Variants in DENND3 observed in about 807,000 individuals in gnomAD.
DENND3 encodes the protein DENN domain containing 3.
DENND3 carries 88 observed loss-of-function variants against 135.1 expected under a neutral mutation model. The observed-to-expected ratio is 0.65, with a 90% CI of 0.55 to 0.78. DENND3 has a LOEUF of 0.78. DENND3 is among the 30% of genes least tolerant of loss of function. The pLI is 0.00. For missense variants in DENND3, 1,392 were observed against 1,688.4 expected (o/e 0.82, Z 3.08); for synonymous variants, 693 against 712.3 (o/e 0.97, Z 0.43).
At chr8:141,169,114 C>T (rs915725370) in intron 13 of DENND3, among the ~76,000 whole-genome samples, 1 of 152,230 alleles carries the variant, frequency 6.6e-6, no homozygotes, top group African/African-American at 2.4e-5. Flanking sequence ...CTGTCTTGGC[C>T]CCCCAAAGTG....
At chr8:141,143,549 C>T (rs892485026) in intron 4 of DENND3, among the ~76,000 whole-genome samples, 20 of 152,152 alleles carry the variant, frequency 1.3e-4, no homozygotes, top group Non-Finnish European at 1.2e-4. Context: ...GGACTACAGG[C>T]GCACACCACC....
chr8:141,151,088 A>G, intron 6 of DENND3, 135 bp downstream of exon 6: 1 of 1,290,108 alleles, frequency 7.8e-7, no homozygotes, highest in Non-Finnish European at 1.0e-6. Context: ...GTTTATTATT[A>G]TTTTTTAAAG....
rs375291304 is a variant in DENND3 at position 141,151,603 on chromosome 8, C to G, written c.856-16C>G. 2.5e-6 allele frequency: 4 copies of G among 1,609,958 alleles called. No individual in the cohort carries two copies. In the Admixed American group the frequency reaches 6.7e-5, roughly 27 times the overall value. ...TTTTAAAAGCATGTACTCAGTGCGG[C>G]GGGTTCTCCCCTCAGATCCTGACAT... On this transcript the variant is annotated splice_polypyrimidine_tract_variant and intron_variant, in intron 6 of 22. Transcript: ENST00000519811.
chr8:141,144,124 T>G lies in DENND3; in HGVS notation c.624-24T>G. 3.8e-6 allele frequency: 6 copies of G among 1,589,536 alleles called. No individual in the cohort carries two copies. The highest frequency in any genetic ancestry group is 1.4e-5 in the African/African-American group (1 of 73,276). The stretch of plus-strand genomic sequence containing the variant: ...GCGTTCTCATCTTTATTTTGCGGTT[T>G]GAGTTTTGTGTTTCGAATTTCAGTT... On this transcript the variant is annotated intron_variant, in intron 4 of 22. Transcript: ENST00000519811. This position sits in a 1 kb window ranked among gnomAD's most constrained non-coding sequence, Gnocchi z 4.4.
intron 17 of DENND3, among the ~76,000 whole-genome samples, chr8:141,183,357 G>A (rs188940235): frequency 5.9e-5 from 9 of 151,564 alleles, no homozygotes; most frequent in South Asian, 4.2e-4. Context: ...GCGATCCTCC[G>A]CCCTCGGCCT....
At chr8:141,188,788 C>T (rs1824278559) in intron 18 of DENND3, 198 bp from the exon 19 acceptor site, 2 of 610,618 alleles carry the variant, frequency 3.3e-6, no homozygotes, top group Non-Finnish European at 5.5e-6. Flanking sequence ...GTGAACAGAG[C>T]ACGCGGAGAA....
rs1435415210 is a variant in DENND3, at chr8:141,194,363, T to TA, written c.*131dup. The TA allele has an allele frequency of 7.8e-6, 9 of 1,155,070 alleles. No homozygotes were observed. In the Middle Eastern group the frequency reaches 1.4e-3, roughly 185 times the overall value. The allele number at this position is 1,155,070 out of a possible 1,614,324, so 71.6% of individuals were successfully genotyped here. The stretch of plus-strand genomic sequence containing the variant: ...GCCCAGGCTCAGCATGGAGCCCACT[T>TA]ACCGTGTGGCCAGCCGCGAGACCCA... On this transcript the variant is annotated 3_prime_UTR_variant, in exon 23 of 23. Transcript: ENST00000519811.
At chr8:141,187,174 A>G (rs981994938) in intron 18 of DENND3, among the ~76,000 whole-genome samples, 14 of 145,582 alleles carry the variant, frequency 9.6e-5, no homozygotes, top group Non-Finnish European at 4.5e-5. Context: ...GCATGATAGG[A>G]TTTTTTTTTT....
intron 16 of DENND3, 124 bp from the exon 17 acceptor site, chr8:141,180,623 T>C: frequency 1.1e-6 from 1 of 919,500 alleles, no homozygotes; most frequent in Non-Finnish European, 1.7e-6. Flanking sequence ...ACCTTCGTCT[T>C]CACAAATTAG....
chr8:141,141,802 G>A lies in DENND3; in HGVS notation c.623+478G>A, dbSNP rs1164009324. 4 of 195,338 alleles carry A rather than the reference G, an allele frequency of 2.0e-5. No individual in the cohort carries two copies. In the South Asian group the frequency reaches 2.3e-4, roughly 11 times the overall value. 12.1% of individuals were successfully genotyped at this position (195,338 alleles called of 1,614,324 possible). ...TCACACCTGTAATCCCAGCATATTGGGAGACTAAGATGGGAGGACTGCTTG... is the reference window on the plus strand; with the variant it reads ...TCACACCTGTAATCCCAGCATATTGAGAGACTAAGATGGGAGGACTGCTTG... On this transcript the variant is annotated intron_variant, in intron 4 of 22. Coordinates refer to ENST00000519811, the MANE Select transcript of DENND3 (RefSeq NM_001352890.3). The surrounding 1 kb of genome is among the most constrained non-coding windows in gnomAD (Gnocchi z 5.3).
intron 13 of DENND3, among the ~76,000 whole-genome samples, chr8:141,171,394 C>T (rs1160968776): frequency 6.6e-6 from 1 of 152,258 alleles, no homozygotes; most frequent in East Asian, 1.9e-4. Flanking sequence ...GTGAGGTGGC[C>T]TTCCCCAGGG....
Position 141,165,251 on chromosome 8 carries a change from T to C in DENND3, c.1515T>C (p.Phe505=). ...KARLNRRMDA[F]AQMDLDTQSE... ...GGCTCAATAGGAGGATGGACGCCTT[T>C]GCTCAGATGGACCTCGACACCCAGT... The change falls in exon 11 of 23, where the codon TTT becomes TTC. Residue 505 remains phenylalanine, a synonymous_variant. Coordinates refer to ENST00000519811, the MANE Select transcript of DENND3 (RefSeq NM_001352890.3). 1 of 1,614,230 alleles carries C rather than the reference T, an allele frequency of 6.2e-7. No homozygotes were observed. The highest frequency in any genetic ancestry group is 8.5e-7 in the Non-Finnish European group (1 of 1,180,012).
Position 141,150,891 on chromosome 8 carries a change from C to T in DENND3, c.793C>T (p.Pro265Ser). 6.2e-7 allele frequency: 1 copy of T among 1,610,368 alleles called. No individual in the cohort carries two copies. Among genetic ancestry groups the T allele is most frequent in the Non-Finnish European group, 8.5e-7 (1 of 1,179,142 alleles). The change falls in exon 6 of 23, where the codon CCC becomes TCC. Residue 265 changes from proline to serine, a missense_variant. Coordinates refer to ENST00000519811, the MANE Select transcript of DENND3 (RefSeq NM_001352890.3). ...ACCTGCCCGAGCAGACCCCGAAAGC[C>T]CCATCCTGGACCTGGACCTTCACCT... ...VLPARADPES[P>S]ILDLDLHLPL...
chr8:141,192,797 C>G (rs1484093795), intron 22 of DENND3, 134 bp downstream of exon 22: 4 of 1,579,976 alleles, frequency 2.5e-6, no homozygotes, highest in Non-Finnish European at 2.6e-6. Context: ...CCCCTCCTAA[C>G]AGGCACGTGC....
intron 14 of DENND3, 83 bp from the exon 15 acceptor site, chr8:141,176,508 A>C: frequency 1.1e-5 from 17 of 1,564,698 alleles, no homozygotes; most frequent in African/African-American, 1.4e-5. Flanking sequence ...TCTTCATTCC[A>C]GAGCCCGCTC....
rs1301734735 is a variant in DENND3 at position 141,144,565 on chromosome 8, G to A, written c.735+306G>A. On this transcript the variant is annotated intron_variant, in intron 5 of 22. Transcript: ENST00000519811. The surrounding 1 kb of genome is among the most constrained non-coding windows in gnomAD (Gnocchi z 4.4). Reference sequence around the variant, plus strand: ...TGTGTATAGGGTTGTAAACTAAAACGAAAATCCTAAGCCTCCCTACTGACT... The same window carrying A: ...TGTGTATAGGGTTGTAAACTAAAACAAAAATCCTAAGCCTCCCTACTGACT... 5.9e-5 allele frequency among the ~76,000 whole-genome samples: 9 copies of A among 151,914 alleles called. No homozygotes were observed. Among genetic ancestry groups the A allele is most frequent in the Admixed American group, 3.3e-4 (5 of 15,244 alleles).
chr8:141,164,360 G>A (rs553837514), intron 10 of DENND3, among the ~76,000 whole-genome samples: 27 of 152,388 alleles, frequency 1.8e-4, no homozygotes, highest in African/African-American at 6.0e-4. Context: ...CCTGGCAGGC[G>A]ATTGAAGCTG....
In DENND3 at chr8:141,160,778, G is replaced by A. The variant is rs551877642; in HGVS notation, c.1343G>A (p.Ser448Asn). The A allele has an allele frequency of 1.2e-6, 2 of 1,609,646 alleles. No homozygotes were observed. The highest frequency in any genetic ancestry group is 1.7e-5 in the Admixed American group (1 of 59,922). The change falls in exon 9 of 23, where the codon AGC (serine) becomes AAC (asparagine). Residue 448 changes from serine to asparagine, a missense_variant. Physicochemically the swap from Ser to Asn is conservative, Grantham distance 46. Coordinates refer to ENST00000519811, the MANE Select transcript of DENND3 (RefSeq NM_001352890.3). The part of the protein sequence containing the change: ...IQQTTLQLLV[S>N]IFRDVKNHLN... ...CAGACCACCCTGCAGCTGCTCGTGA[G>A]CATCTTCAGGTACGTGAGAGAACAT...
At position 141,154,914 on chromosome 8, in the gene DENND3, G is replaced by T. The variant is rs533695651; in HGVS notation, c.1075-935G>T. On this transcript the variant is annotated intron_variant, in intron 7 of 22. Transcript: ENST00000519811. The surrounding 1 kb of genome is among the most constrained non-coding windows in gnomAD (Gnocchi z 4.4). ...AAGGCATATGGGTAAGCAAAATGTG[G>T]TCTTTCCAAATAATGGACTATTCAG... Among the ~76,000 whole-genome samples the T allele has an allele frequency of 2.0e-5, 3 of 152,164 alleles. No individual in the cohort carries two copies. Among genetic ancestry groups the T allele is most frequent in the Non-Finnish European group, 4.4e-5 (3 of 68,030 alleles).
Sources: allele counts gnomAD v4.1 joint callset (sites outside exome capture counted in the v4.1 genomes callset), GRCh38; gene constraint gnomAD v4.1.1; non-coding constraint Gnocchi (gnomAD v3.1); transcripts MANE v1.5; gene names NCBI Gene and HGNC (gene_info 2026-07-23, HGNC 2026-07-21).